Variants in PKD1 observed in about 807,000 individuals in gnomAD.
PKD1 encodes polycystin 1, transient receptor potential channel interacting, also known as polycystin-1.
A neutral mutation model predicts 361.7 loss-of-function variants in PKD1; 81 were observed. That is an observed-to-expected ratio of 0.22 (90% CI 0.19 to 0.27). PKD1 has a LOEUF of 0.27. PKD1 is among the 10% of genes least tolerant of loss of function. PKD1 has a pLI of 1.00. For synonymous variants in PKD1, 3,615 were observed against 2,818.3 expected (o/e 1.28, Z -8.95); for missense variants, 6,399 against 6,118.3 (o/e 1.05, Z -1.53).
At chr16:2,126,409 G>A (rs1479610417) in intron 1 of PKD1, among the ~76,000 whole-genome samples, 1 of 152,258 alleles carries the variant, frequency 6.6e-6, no homozygotes, top group African/African-American at 2.4e-5. Context: ...GCTGGGCCTC[G>A]GGAGCTGCAG....
Position 2,114,201 on chromosome 16 carries a change from G to A in PKD1, c.2822C>T (p.Pro941Leu), listed in dbSNP as rs1281096531. 6.2e-7 allele frequency: 1 copy of A among 1,609,200 alleles called. No homozygotes were observed. The highest frequency in any genetic ancestry group is 1.7e-5 in the Admixed American group (1 of 59,994). ...GACTCCCTGCAGTACACGGGCCTCG[G>A]GGCTGGGCGTGGCGCGGAGGCCACA... is the stretch of plus-strand genomic sequence containing the variant. ...PICGLRATPS[P>L]EARVLQGVLV... The change falls in exon 11 of 46, where the codon CCC (proline) becomes CTC (leucine). Residue 941 changes from proline (P) to leucine (L), a missense_variant. Pro to Leu is a moderately conservative substitution (Grantham distance 98, BLOSUM62 -3). Coordinates refer to ENST00000262304, the MANE Select transcript of PKD1 (RefSeq NM_001009944.3).
At chr16:2,090,843 G>A in intron 43 of PKD1, 35 bp from the exon 44 acceptor site, 3 of 1,610,540 alleles carry the variant, frequency 1.9e-6, no homozygotes, top group Non-Finnish European at 2.5e-6. Flanking sequence ...TGCAGCCCTG[G>A]GGTGTGCGCC....
rs71385733 is a variant in PKD1 at position 2,110,049 on chromosome 16, G to C, written c.5118C>G (p.Ala1706=). ...CGAAGTCCATGGTGCAGTCGGCCCAGGCGCTGCCCAGCATGTTGGTGGCCC... is the reference window on the plus strand; with the variant it reads ...CGAAGTCCATGGTGCAGTCGGCCCACGCGCTGCCCAGCATGTTGGTGGCCC... ...QLRATNMLGS[A]WADCTMDFVE... The change falls in exon 15 of 46, where the codon GCC becomes GCG. Residue 1706 remains alanine, a synonymous_variant. Coordinates refer to ENST00000262304, the MANE Select transcript of PKD1 (RefSeq NM_001009944.3). 6.2e-7 allele frequency: 1 copy of C among 1,610,336 alleles called. No individual in the cohort carries two copies. The highest frequency in any genetic ancestry group is 1.1e-5 in the South Asian group (1 of 90,944).
rs544340999 is a variant in PKD1 at position 2,089,398 on chromosome 16, G to C, written c.*329C>G. On this transcript the variant is annotated 3_prime_UTR_variant, in exon 46 of 46. Transcript: ENST00000262304. Reference sequence around the variant, plus strand: ...ACCCTCCCTGAAGCCAGCAGCCTTAGCAGTGGGGGACATCTGCCCAGGGGG... The same window carrying C: ...ACCCTCCCTGAAGCCAGCAGCCTTACCAGTGGGGGACATCTGCCCAGGGGG... 1 of 439,276 alleles carries C rather than the reference G, an allele frequency of 2.3e-6. No homozygotes were observed. The highest frequency in any genetic ancestry group is 3.8e-5 in the Admixed American group (1 of 26,282). The allele number at this position is 439,276 out of a possible 1,614,324, so 27.2% of individuals were successfully genotyped here.
intron 1 of PKD1, among the ~76,000 whole-genome samples, chr16:2,130,306 C>T (rs1229527093): frequency 1.3e-5 from 2 of 152,170 alleles, no homozygotes; most frequent in Non-Finnish European, 2.9e-5. Context: ...CTCCTAGGCT[C>T]TCCTGACAGA....
chr16:2,118,573 G>A lies in PKD1; in HGVS notation c.529+103C>T. Reference sequence around the variant, plus strand: ...TCCCATGCTGTTCCCTTGGCCCGGAGGCCCCCCCCAGAGAGGCCTTCCTGA... The same window carrying A: ...TCCCATGCTGTTCCCTTGGCCCGGAAGCCCCCCCCAGAGAGGCCTTCCTGA... On this transcript the variant is annotated intron_variant, in intron 4 of 45. Transcript: ENST00000262304. This position sits in a 1 kb window ranked among gnomAD's most constrained non-coding sequence, Gnocchi z 6.0. The A allele has an allele frequency of 1.1e-6, 1 of 934,466 alleles. No individual in the cohort carries two copies. The highest frequency in any genetic ancestry group is 2.0e-5 in the Admixed American group (1 of 50,098). The allele number at this position is 934,466 out of a possible 1,614,324, so 57.9% of individuals were successfully genotyped here. A position where few individuals can be genotyped will look rare whatever the true frequency, so the allele number is the denominator to read the frequency against.
At chr16:2,092,398 G>T in intron 39 of PKD1, 82 bp downstream of exon 39, 1 of 1,065,306 alleles carries the variant, frequency 9.4e-7, no homozygotes, top group Non-Finnish European at 1.4e-6. Context: ...TAGGGAGCAG[G>T]GCTGATGCCA....
Position 2,105,317 on chromosome 16 carries a change from C to G in PKD1, c.8016+5G>C. 2 of 1,594,428 alleles carry G rather than the reference C, an allele frequency of 1.3e-6. No homozygotes were observed. Among genetic ancestry groups the G allele is most frequent in the Non-Finnish European group, 1.7e-6 (2 of 1,178,638 alleles). On this transcript the variant is annotated splice_donor_5th_base_variant and intron_variant, in intron 21 of 45. Transcript: ENST00000262304. ...GGGCAGGGTGAGCAGGTGGGGCCATCCTACCATGCACTGGGCCAGCGCAGC... is the reference window on the plus strand; with the variant it reads ...GGGCAGGGTGAGCAGGTGGGGCCATGCTACCATGCACTGGGCCAGCGCAGC...
Position 2,091,026 on chromosome 16 carries a change from G to C in PKD1, c.11861C>G (p.Ala3954Gly). ...LTAATALVRLAQLGAADRQWT... is the reference protein window; with the variant it reads ...LTAATALVRLGQLGAADRQWT... ...CTGGCGGTCAGCGGCACCCAGCTGG[G>C]CGAGGCGTACCAGTGCCGTGGCCGC... The change falls in exon 43 of 46, where the codon GCC becomes GGC. Residue 3954 changes from alanine to glycine, a missense_variant. Transcript: ENST00000262304. 2.0e-6 allele frequency: 3 copies of C among 1,532,348 alleles called. No homozygotes were observed. The highest frequency in any genetic ancestry group is 1.7e-6 in the Non-Finnish European group (2 of 1,144,994). 94.9% of individuals were successfully genotyped at this position (1,532,348 alleles called of 1,614,324 possible).
At chr16:2,091,633 C>T (rs768886583) in intron 41 of PKD1, 36 bp from the exon 42 acceptor site, 2 of 1,560,008 alleles carry the variant, frequency 1.3e-6, no homozygotes, top group Non-Finnish European at 1.7e-6. Flanking sequence ...GAGCGGGTGG[C>T]AGGGCGGGAG....
chr16:2,133,167 G>C (rs997069579), intron 1 of PKD1: 1 of 150,870 alleles, frequency 6.6e-6, no homozygotes, highest in African/African-American at 2.5e-5. Flanking sequence ...TGGGGTGGGG[G>C]GTCTGTGAGT....
rs776356695 is a variant in PKD1, at chr16:2,116,987, G to A, written c.1452C>T (p.Gly484=). The change falls in exon 7 of 46, where the codon GGC becomes GGT. Residue 484 remains glycine, a synonymous_variant. Transcript: ENST00000262304. ...QGVEVGPAPQ[G]EAFSLESCQN... ...GGCAGCTCTCCAGGCTGAAGGCCTC[G>A]CCCTGCGGCGCTGGGCCCACCTCCA... The A allele has an allele frequency of 1.1e-5, 18 of 1,569,518 alleles. No homozygotes were observed. Among genetic ancestry groups the A allele is most frequent in the Admixed American group, 3.4e-5 (2 of 59,094 alleles).
In PKD1 at chr16:2,093,659, G is replaced by A. The variant is rs564898622; in HGVS notation, c.10901C>T (p.Pro3634Leu). 2.4e-5 allele frequency: 39 copies of A among 1,607,732 alleles called. No homozygotes were observed. The highest frequency in any genetic ancestry group is 3.3e-4 in the Middle Eastern group (2 of 6,056). The change falls in exon 37 of 46, where the codon CCG becomes CTG. Residue 3634 changes from proline to leucine, a missense_variant. By Grantham distance (98) the Pro-to-Leu change is moderately conservative (BLOSUM62 -3). Transcript: ENST00000262304. Reference sequence around the variant, plus strand: ...ACGTGCGCTCACAGGCGTCACAGCCGGGCTCTCTACCAGGGTGTCATCTTC... The same window carrying A: ...ACGTGCGCTCACAGGCGTCACAGCCAGGCTCTCTACCAGGGTGTCATCTTC... ...PDEDDTLVES[P>L]AVTPVSARVP...
At chr16:2,092,415 C>G (rs981899298) in intron 39 of PKD1, 65 bp downstream of exon 39, 1 of 1,193,864 alleles carries the variant, frequency 8.4e-7, no homozygotes, top group African/African-American at 1.5e-5. Context: ...GCCAGAGCTC[C>G]GCTAAAGGCT....
intron 37 of PKD1, 36 bp from the exon 38 acceptor site, chr16:2,093,129 C>A (rs1486710689): frequency 1.2e-6 from 2 of 1,610,664 alleles, no homozygotes; most frequent in Non-Finnish European, 1.7e-6. Context: ...CAGCCTGGCC[C>A]CAGCCCACAG....
At chr16:2,094,509 C>G (rs2091760841) in intron 34 of PKD1, among the ~76,000 whole-genome samples, 1 of 152,222 alleles carries the variant, frequency 6.6e-6, no homozygotes, top group Non-Finnish European at 1.5e-5. Flanking sequence ...CACAGTCTCT[C>G]AGGGTGCAAT....
rs749219697 is a variant in PKD1 at position 2,116,590 on chromosome 16, T to A, written c.1661A>T (p.Gln554Leu). 3.8e-6 allele frequency: 6 copies of A among 1,568,342 alleles called. No homozygotes were observed. Among genetic ancestry groups the A allele is most frequent in the Non-Finnish European group, 5.2e-6 (6 of 1,161,036 alleles). The change falls in exon 8 of 46, where the codon CAG becomes CTG. Residue 554 changes from glutamine to leucine, a missense_variant. Transcript: ENST00000262304. ...LLVGAPSGDL[Q>L]GPLTPLAQQD... ...CTGTGCCAGAGGCGTCAGGGGTCCC[T>A]GCAGGTCCCCACTGGGCGCTCCCAC...
rs761577523 is a variant in PKD1 at position 2,090,915 on chromosome 16, G to A, written c.11972C>T (p.Ala3991Val). Residue 3991 changes from alanine (A) to valine (V), a missense_variant, in exon 43 of 46, where the codon GCG becomes GTG. Ala to Val is a moderately conservative substitution (Grantham distance 64). Transcript: ENST00000262304. ...AQLSSAARGL[A>V]ASLLFLLLVK... is the part of the protein sequence containing the mutation. Reference sequence around the variant, plus strand: ...CAAAAGCAGGAAGAGCAGCGAGGCCGCCAGGCCACGGGCTGCGGAGCTCAG... The same window carrying A: ...CAAAAGCAGGAAGAGCAGCGAGGCCACCAGGCCACGGGCTGCGGAGCTCAG... 46 of 1,589,614 alleles carry A rather than the reference G, an allele frequency of 2.9e-5. No individual in the cohort carries two copies. The highest frequency in any genetic ancestry group is 1.4e-4 in the East Asian group (6 of 44,358).
In PKD1 at chr16:2,091,129, G is replaced by C. The variant is rs538314197; in HGVS notation, c.11758C>G (p.Arg3920Gly). 4.0e-6 allele frequency: 6 copies of C among 1,484,976 alleles called. No individual in the cohort carries two copies. The highest frequency in any genetic ancestry group is 2.5e-5 in the South Asian group (2 of 79,946). The allele number at this position is 1,484,976 out of a possible 1,614,324, so 92.0% of individuals were successfully genotyped here. Residue 3920 changes from arginine (R) to glycine (G), a missense_variant, in exon 43 of 46, where the codon CGT becomes GGT. Arg to Gly is a moderately radical substitution (Grantham distance 125). Coordinates refer to ENST00000262304, the MANE Select transcript of PKD1 (RefSeq NM_001009944.3). ...CAGCGCCCTTCCCTGTGCCAAGTAC[G>C]GGCCTCGGCCACGGCGAAGTGCACG... ...FAVHFAVAEA[R>G]TWHREGRWRV... is the part of the protein sequence containing the mutation.
Sources: allele counts gnomAD v4.1 joint callset (sites outside exome capture counted in the v4.1 genomes callset), GRCh38; gene constraint gnomAD v4.1.1; non-coding constraint Gnocchi (gnomAD v3.1); transcripts MANE v1.5; gene names NCBI Gene and HGNC (gene_info 2026-07-23, HGNC 2026-07-21).